The following KIAA1958 variants were observed in gnomAD, a reference collection of about 807,000 sequenced individuals.
KIAA1958 encodes uncharacterized protein KIAA1958.
KIAA1958 carries 14 observed loss-of-function variants against 47.2 expected under a neutral mutation model. The ratio of observed to expected loss-of-function variants is 0.30; its 90% CI spans 0.20 to 0.46. KIAA1958 has a LOEUF of 0.46. Among genes scored for constraint, KIAA1958 ranks in the 20% least tolerant of loss-of-function variants. KIAA1958 has a pLI of 1.00. For missense variants in KIAA1958, 803 were observed against 909.2 expected (o/e 0.88, Z 1.50); for synonymous variants, 354 against 353.3 (o/e 1.00, Z -0.02).
Position 112,575,095 on chromosome 9 carries a change from T to C in KIAA1958, c.1015T>C (p.Ser339Pro), listed in dbSNP as rs764650181. ...GCCTGGACAGGATGAGCAAGTTGCCTCTGAAGAGTTCCTGTCCCATCTGCC... is the reference window on the plus strand; with the variant it reads ...GCCTGGACAGGATGAGCAAGTTGCCCCTGAAGAGTTCCTGTCCCATCTGCC... ...QLPGQDEQVA[S>P]EEFLSHLPSQ... The change falls in exon 2 of 4, where the codon TCT becomes CCT. Residue 339 changes from serine (S) to proline (P), a missense_variant. By Grantham distance (74) the Ser-to-Pro change is moderately conservative. Coordinates refer to ENST00000337530, the MANE Select transcript of KIAA1958 (RefSeq NM_133465.4). 1 of 1,611,380 alleles carries C rather than the reference T, an allele frequency of 6.2e-7. No homozygotes were observed. The highest frequency in any genetic ancestry group is 8.5e-7 in the Non-Finnish European group (1 of 1,180,004).
At chr9:112,522,135 C>A (rs1161284691) in intron 1 of KIAA1958, among the ~76,000 whole-genome samples, 2 of 152,090 alleles carry the variant, frequency 1.3e-5, no homozygotes, top group Non-Finnish European at 2.9e-5. Flanking sequence ...CCATGCCCAG[C>A]TAATTTTCTA....
At chr9:112,493,476 T>C (rs1373790587) in intron 1 of KIAA1958, among the ~76,000 whole-genome samples, 1 of 152,230 alleles carries the variant, frequency 6.6e-6, no homozygotes, top group Non-Finnish European at 1.5e-5. Flanking sequence ...CTCTGATTCC[T>C]TCTTTATTCT....
At chr9:112,551,066 T>A (rs1835135517) in intron 1 of KIAA1958, among the ~76,000 whole-genome samples, 1 of 151,676 alleles carries the variant, frequency 6.6e-6, no homozygotes, top group Non-Finnish European at 1.5e-5. Context: ...TTAGGGAGGT[T>A]ATAGTTTTGT....
chr9:112,578,902 C>G (rs1438085282), intron 2 of KIAA1958, among the ~76,000 whole-genome samples: 1 of 152,042 alleles, frequency 6.6e-6, no homozygotes, highest in Non-Finnish European at 1.5e-5. Flanking sequence ...CTTCAATATA[C>G]TTACATACAC....
At chr9:112,508,335 A>G (rs1448418496) in intron 1 of KIAA1958, among the ~76,000 whole-genome samples, 1 of 152,254 alleles carries the variant, frequency 6.6e-6, no homozygotes, top group Non-Finnish European at 1.5e-5. Flanking sequence ...TTATGAAAAA[A>G]TAGTGTCTTA....
At chr9:112,617,855 C>A in intron 2 of KIAA1958, 2 of 1,536,396 alleles carry the variant, frequency 1.3e-6, no homozygotes. Context: ...ATCCCTCCCC[C>A]CCCAATTTGT....
chr9:112,545,825 G>GTGGTTT (rs60211721), intron 1 of KIAA1958, among the ~76,000 whole-genome samples: 1 of 93,040 alleles, frequency 1.1e-5, no homozygotes, highest in African/African-American at 4.1e-5. Context: ...AGGTTTCTTT[G>GTGGTTT]TTTTTTTTTT....
chr9:112,547,085 A>G (rs1835050238), intron 1 of KIAA1958, among the ~76,000 whole-genome samples: 1 of 151,440 alleles, frequency 6.6e-6, no homozygotes, highest in African/African-American at 2.4e-5. Flanking sequence ...GGCGCATGCC[A>G]CCACTCCCTG....
chr9:112,610,378 A>G (rs985361909), intron 2 of KIAA1958, among the ~76,000 whole-genome samples: 3 of 152,108 alleles, frequency 2.0e-5, no homozygotes, highest in Non-Finnish European at 4.4e-5. Flanking sequence ...AAAAAGTAGA[A>G]CCAATGAAAA....
intron 1 of KIAA1958, among the ~76,000 whole-genome samples, chr9:112,542,822 A>G (rs1834965252): frequency 6.6e-6 from 1 of 152,210 alleles, no homozygotes; most frequent in Non-Finnish European, 1.5e-5. Context: ...CTAAAGAAAT[A>G]AAGGTTCTTG....
At chr9:112,528,043 A>G (rs1237658824) in intron 1 of KIAA1958, among the ~76,000 whole-genome samples, 2 of 151,772 alleles carry the variant, frequency 1.3e-5, no homozygotes, top group Admixed American at 6.6e-5. Context: ...TGTCAGCTCT[A>G]TCTCCTCCTC....
At chr9:112,510,904 G>A (rs1834316374) in intron 1 of KIAA1958, among the ~76,000 whole-genome samples, 1 of 152,046 alleles carries the variant, frequency 6.6e-6, no homozygotes, top group Non-Finnish European at 1.5e-5. Context: ...GGGGAGAACA[G>A]CATTCCAGGC....
rs1338816329 is a variant in KIAA1958, at chr9:112,667,337, G to T, written c.*7268G>T. The T allele has an allele frequency of 6.6e-6, 1 of 152,292 alleles. No homozygotes were observed. Among genetic ancestry groups the T allele is most frequent in the African/African-American group, 2.4e-5 (1 of 41,462 alleles). The allele number at this position is 152,292 out of a possible 1,614,324, so 9.4% of individuals were successfully genotyped here. A position where few individuals can be genotyped will look rare whatever the true frequency, so the allele number is the denominator to read the frequency against. On this transcript the variant is annotated 3_prime_UTR_variant, in exon 4 of 4. Coordinates refer to ENST00000337530, the MANE Select transcript of KIAA1958 (RefSeq NM_133465.4). ...CACGCCTATAATCCAAGCACTTTGGGATGCCGAGGCAGGCAGATCATCTGA... is the reference window on the plus strand; with the variant it reads ...CACGCCTATAATCCAAGCACTTTGGTATGCCGAGGCAGGCAGATCATCTGA...
chr9:112,613,833 T>A (rs1014201547), intron 2 of KIAA1958, among the ~76,000 whole-genome samples: 4 of 152,202 alleles, frequency 2.6e-5, no homozygotes, highest in African/African-American at 9.6e-5. Flanking sequence ...TAAATTGATA[T>A]GACCACTTTG....
chr9:112,546,489 T>G (rs1018492625), intron 1 of KIAA1958, among the ~76,000 whole-genome samples: 2 of 152,114 alleles, frequency 1.3e-5, no homozygotes, highest in Admixed American at 6.5e-5. Flanking sequence ...TTTGCCTTTT[T>G]TTTTTGAGAC....
In KIAA1958 at chr9:112,642,353, T is replaced by C. The variant is rs186921412; in HGVS notation, c.1172-3297T>C. Among the ~76,000 whole-genome samples the C allele has an allele frequency of 1.6e-3, 244 of 152,364 alleles. 2 individuals are homozygous for C. The highest frequency in any genetic ancestry group is 5.6e-3 in the African/African-American group (231 of 41,592). On this transcript the variant is annotated intron_variant, in intron 2 of 3. Transcript: ENST00000337530. The stretch of plus-strand genomic sequence containing the variant: ...CACTAGGAAGGTGTTATTTGAGAGA[T>C]GGCAGCGTTCAGGGATTTCTTTGCT...
At chr9:112,530,996 G>A (rs1024440781) in intron 1 of KIAA1958, among the ~76,000 whole-genome samples, 1 of 152,164 alleles carries the variant, frequency 6.6e-6, no homozygotes, top group African/African-American at 2.4e-5. Flanking sequence ...CTGAGTTACA[G>A]CTGATGAAAT....
chr9:112,521,425 T>C (rs1487575234), intron 1 of KIAA1958, among the ~76,000 whole-genome samples: 1 of 152,104 alleles, frequency 6.6e-6, no homozygotes, highest in Non-Finnish European at 1.5e-5. Context: ...TGTTGCCCAG[T>C]TTGGTCTCAA....
chr9:112,557,537 A>G (rs1835263521), intron 1 of KIAA1958, among the ~76,000 whole-genome samples: 1 of 152,230 alleles, frequency 6.6e-6, no homozygotes, highest in Non-Finnish European at 1.5e-5. Flanking sequence ...GATATTAATT[A>G]GGGAAACATT....
Sources: gnomAD v4.1 joint callset for allele counts (sites outside exome capture counted in the v4.1 genomes callset) on GRCh38, gnomAD v4.1.1 for gene constraint, MANE v1.5 for transcripts, NCBI Gene and HGNC (gene_info 2026-07-23, HGNC 2026-07-21) for gene names.